The following ATP8B1 variants were observed in gnomAD, a reference collection of about 807,000 sequenced individuals.
The protein encoded by ATP8B1 is phospholipid-transporting ATPase IC.
ATP8B1 carries 80 observed loss-of-function variants against 149.9 expected under a neutral mutation model. The ratio of observed to expected loss-of-function variants is 0.53; its 90% CI spans 0.45 to 0.64. The LOEUF is 0.64. ATP8B1 is among the 30% of genes least tolerant of loss of function. ATP8B1 has a pLI of 0.00. For synonymous variants in ATP8B1, 536 were observed against 562.8 expected, an observed-to-expected ratio of 0.95 and a Z score of 0.67; for missense variants, 1,247 against 1,552.6, an observed-to-expected ratio of 0.80 and a Z score of 3.31.
intron 16 of ATP8B1, 92 bp from the exon 17 acceptor site, chr18:57,671,672 G>A: frequency 1.2e-6 from 1 of 869,052 alleles, no homozygotes; most frequent in South Asian, 1.4e-5. Flanking sequence ...GTCCAGGCTG[G>A]AGTGCAGCAG....
At chr18:57,671,333 C>A in intron 17 of ATP8B1, 135 bp downstream of exon 17, 1 of 784,428 alleles carries the variant, frequency 1.3e-6, no homozygotes, top group East Asian at 2.7e-5. Context: ...TCCTACTTTA[C>A]TGCTCTTTCC....
At chr18:57,685,012 C>T in intron 14 of ATP8B1, 60 bp downstream of exon 14, 3 of 1,586,198 alleles carry the variant, frequency 1.9e-6, no homozygotes, top group Admixed American at 3.3e-5. Flanking sequence ...GGAAGCATGG[C>T]CCTGCTGGGA....
intron 1 of ATP8B1, among the ~76,000 whole-genome samples, chr18:57,782,380 T>A (rs1344542505): frequency 3.9e-5 from 6 of 152,232 alleles, no homozygotes; most frequent in African/African-American, 1.4e-4. Flanking sequence ...TCCCCATAGG[T>A]TTATATCTAG....
At chr18:57,653,371 A>AGCGAT (rs1401268934) in intron 24 of ATP8B1, among the ~76,000 whole-genome samples, 5 of 149,370 alleles carry the variant, frequency 3.3e-5, no homozygotes, top group African/African-American at 1.2e-4. Context: ...TGCAGCTTCA[A>AGCGAT]CCTTCCAGGC....
At chr18:57,781,647 A>G (rs1280550757) in intron 1 of ATP8B1, among the ~76,000 whole-genome samples, 2 of 152,178 alleles carry the variant, frequency 1.3e-5, no homozygotes, top group Non-Finnish European at 2.9e-5. Context: ...CTCTCACTAT[A>G]ACTTAAATCC....
chr18:57,662,675 G>C, intron 20 of ATP8B1, 60 bp from the exon 21 acceptor site: 1 of 1,576,056 alleles, frequency 6.3e-7, no homozygotes, highest in Non-Finnish European at 8.7e-7. Context: ...CCTTGACTCT[G>C]AGATAACTTT....
At chr18:57,649,544 T>TA (rs1214838101) in intron 27 of ATP8B1, among the ~76,000 whole-genome samples, 3 of 152,162 alleles carry the variant, frequency 2.0e-5, no homozygotes, top group Admixed American at 6.5e-5. Flanking sequence ...GTTGCCTCAG[T>TA]AGCCTCTACT....
intron 26 of ATP8B1, 67 bp downstream of exon 26, chr18:57,651,967 G>C (rs1263615806): frequency 2.6e-6 from 4 of 1,549,232 alleles, no homozygotes; most frequent in Non-Finnish European, 2.7e-6. Flanking sequence ...CTTAACAGAA[G>C]TTATGTCAAA....
intron 2 of ATP8B1, among the ~76,000 whole-genome samples, chr18:57,707,119 AGGT>A (rs1913441597): frequency 1.3e-5 from 2 of 152,202 alleles, no homozygotes; most frequent in Admixed American, 1.3e-4. Flanking sequence ...AGCCTGGCCA[AGGT>A]GGTGAAACCC....
intron 2 of ATP8B1, among the ~76,000 whole-genome samples, chr18:57,725,377 A>G (rs1055486197): frequency 6.6e-6 from 1 of 152,230 alleles, no homozygotes; most frequent in African/African-American, 2.4e-5. Context: ...ATGATGCAAG[A>G]AACTAAAGAG....
At position 57,802,533 on chromosome 18, in the gene ATP8B1, C is replaced by G. The variant is rs2080589647; in HGVS notation, c.-26+465G>C. Among the ~76,000 whole-genome samples, 1 of 152,208 alleles carries G rather than the reference C, an allele frequency of 6.6e-6. No homozygotes were observed. Among genetic ancestry groups the G allele is most frequent in the Admixed American group, 6.5e-5 (1 of 15,288 alleles). On this transcript the variant is annotated intron_variant, in intron 1 of 27. Coordinates refer to ENST00000648908, the MANE Select transcript of ATP8B1 (RefSeq NM_001374385.1). This position sits in a 1 kb window ranked among gnomAD's most constrained non-coding sequence, Gnocchi z 4.9. Reference sequence around the variant, plus strand: ...GGTCAGATACGTTTGGCCCGCAAGTCCTTTTCGGACACGTTGGCATCTGCT... The same window carrying G: ...GGTCAGATACGTTTGGCCCGCAAGTGCTTTTCGGACACGTTGGCATCTGCT...
At position 57,672,933 on chromosome 18, in the gene ATP8B1, A is replaced by AT. The variant is rs36010935; in HGVS notation, c.1820-1354_1820-1353insA. ...ATATATATATATATATATATATATA[A>AT]CATGTATATACACATATATACATAC... On this transcript the variant is annotated intron_variant, in intron 16 of 27. Transcript: ENST00000648908. Among the ~76,000 whole-genome samples the AT allele has an allele frequency of 4.2e-3, 182 of 43,498 alleles. 18 individuals carry two copies. Among genetic ancestry groups the AT allele is most frequent in the Middle Eastern group, 0.019 (1 of 54 alleles). 28.5% of individuals were successfully genotyped at this position (43,498 alleles called of 152,430 possible).
intron 1 of ATP8B1, among the ~76,000 whole-genome samples, chr18:57,776,531 CCA>C (rs2080307053): frequency 6.6e-6 from 1 of 151,956 alleles, no homozygotes; most frequent in Non-Finnish European, 1.5e-5. Context: ...ACACAATCAA[CCA>C]CAGTCACCCA....
At chr18:57,786,221 G>A (rs2080408053) in intron 1 of ATP8B1, among the ~76,000 whole-genome samples, 1 of 152,150 alleles carries the variant, frequency 6.6e-6, no homozygotes, top group Admixed American at 6.6e-5. Context: ...GACCAGCAAT[G>A]ACAATATAGC....
intron 2 of ATP8B1, among the ~76,000 whole-genome samples, chr18:57,729,678 A>G (rs319426): frequency 0.98 from 149,171 of 151,682 alleles, 73,400 homozygotes; most frequent in East Asian, 1. Flanking sequence ...AGCCTCCCAA[A>G]TAGCTGGGAC....
rs1909360412 is a variant in ATP8B1 at position 57,648,674 on chromosome 18, C to CGGCAGCGGAGGAGG, written c.3569_3570insCCTCCTCCGCTGCC (p.Gln1190HisfsTer104). The CGGCAGCGGAGGAGG allele has an allele frequency of 6.4e-7, 1 of 1,568,892 alleles. No individual in the cohort carries two copies. Among genetic ancestry groups the CGGCAGCGGAGGAGG allele is most frequent in the African/African-American group, 1.4e-5 (1 of 73,728 alleles). ...GGAACACCTGCTGCCGTCGCTGCCA[C>CGGCAGCGGAGGAGG]TGCTCCTCCGCCTTCAACCGCTTGC... On this transcript the variant is annotated frameshift_variant, in exon 28 of 28. Coordinates refer to ENST00000648908, the MANE Select transcript of ATP8B1 (RefSeq NM_001374385.1). LOFTEE classifies it high-confidence loss of function.
chr18:57,648,404 T>G lies in ATP8B1; in HGVS notation c.*84A>C. On this transcript the variant is annotated 3_prime_UTR_variant, in exon 28 of 28. Coordinates refer to ENST00000648908, the MANE Select transcript of ATP8B1 (RefSeq NM_001374385.1). ...TCAATATCTTTGTGATGAATGCAAT[T>G]CACACACACACACAAAGTCCTGAGA... 7.1e-7 allele frequency: 1 copy of G among 1,406,816 alleles called. No homozygotes were observed. Among genetic ancestry groups the G allele is most frequent in the Non-Finnish European group, 1.0e-6 (1 of 996,846 alleles). 87.1% of individuals were successfully genotyped at this position (1,406,816 alleles called of 1,614,324 possible).
chr18:57,660,069 G>A (rs1259638843), intron 22 of ATP8B1, among the ~76,000 whole-genome samples: 3 of 152,114 alleles, frequency 2.0e-5, no homozygotes, highest in East Asian at 3.9e-4. Flanking sequence ...GGATGAGGAT[G>A]AATATCCAGG....
intron 1 of ATP8B1, among the ~76,000 whole-genome samples, chr18:57,772,193 C>T (rs918627170): frequency 6.6e-6 from 1 of 152,158 alleles, no homozygotes; most frequent in African/African-American, 2.4e-5. Flanking sequence ...CTCTACTACC[C>T]GCCCATCAGT....
Sources: gnomAD v4.1 joint callset for allele counts (sites outside exome capture counted in the v4.1 genomes callset) on GRCh38, gnomAD v4.1.1 for gene constraint, Gnocchi (gnomAD v3.1) non-coding constraint, MANE v1.5 for transcripts, NCBI Gene and HGNC (gene_info 2026-07-23, HGNC 2026-07-21) for gene names.